FNBP1: variants seen among roughly 807,000 people sequenced by gnomAD.
FNBP1 encodes formin binding protein 1.
FNBP1 carries 26 observed loss-of-function variants against 90.6 expected under a neutral mutation model. The ratio of observed to expected loss-of-function variants is 0.29; its 90% CI spans 0.21 to 0.40. The LOEUF (loss-of-function observed/expected upper bound fraction) is 0.40. FNBP1 is among the 10% of genes least tolerant of loss of function. The pLI, the probability that FNBP1 is intolerant of heterozygous loss-of-function variation, is 1.00. For synonymous variants in FNBP1, 260 were observed against 265.2 expected, an observed-to-expected ratio of 0.98 and a Z score of 0.19; for missense variants, 635 against 768.0, an observed-to-expected ratio of 0.83 and a Z score of 2.05.
Position 129,979,381 on chromosome 9 carries a change from TA to T in FNBP1, c.141-8del. 1 of 1,590,318 alleles carries T rather than the reference TA, an allele frequency of 6.3e-7. No homozygotes were observed. On this transcript the variant is annotated splice_region_variant and splice_polypyrimidine_tract_variant and intron_variant, in intron 2 of 16. Coordinates refer to ENST00000446176, the MANE Select transcript of FNBP1 (RefSeq NM_015033.3). ...GTACTTCTTTGAAAGATTCCTGAAATAAAAATGCAGACATGTCAGCTTTATA... is the reference window on the plus strand; with the variant it reads ...GTACTTCTTTGAAAGATTCCTGAAATAAAATGCAGACATGTCAGCTTTATA...
At chr9:130,022,588 G>A (rs2057944180) in intron 1 of FNBP1, among the ~76,000 whole-genome samples, 2 of 152,188 alleles carry the variant, frequency 1.3e-5, no homozygotes, top group South Asian at 2.1e-4. Context: ...GAGTTACAAA[G>A]CTTTGGGTTC....
At chr9:130,046,092 TG>T (rs1009499640), upstream of FNBP1, among the ~76,000 whole-genome samples, 11 of 152,192 alleles carry the variant, frequency 7.2e-5, no homozygotes, top group Non-Finnish European at 1.6e-4. Flanking sequence ...ATATATATTT[TG>T]TCGTCAACCT....
At chr9:130,007,990 T>C (rs1200708571) in intron 1 of FNBP1, among the ~76,000 whole-genome samples, 6 of 116,078 alleles carry the variant, frequency 5.2e-5, no homozygotes, top group African/African-American at 2.0e-4. Flanking sequence ...AGAGTGAGAC[T>C]CTGTCTCAAA....
intron 10 of FNBP1, among the ~76,000 whole-genome samples, chr9:129,921,038 T>G (rs934539731): frequency 2.0e-5 from 3 of 152,236 alleles, no homozygotes; most frequent in Non-Finnish European, 2.9e-5. Flanking sequence ...GAAGCTGTAT[T>G]CTGCCTTCCA....
chr9:129,986,135 TA>T (rs747224157), intron 2 of FNBP1, among the ~76,000 whole-genome samples: 8 of 150,432 alleles, frequency 5.3e-5, no homozygotes, highest in Non-Finnish European at 1.0e-4. Flanking sequence ...GACTTTGTCT[TA>T]AAAAAAAATT....
intron 7 of FNBP1, among the ~76,000 whole-genome samples, chr9:129,928,974 C>T (rs2042320668): frequency 6.6e-6 from 1 of 152,048 alleles, no homozygotes; most frequent in Non-Finnish European, 1.5e-5. Flanking sequence ...GCCTGTAGTT[C>T]CATCTACTTA....
intron 1 of FNBP1, among the ~76,000 whole-genome samples, chr9:130,008,230 G>A (rs1057267836): frequency 6.6e-6 from 1 of 151,764 alleles, no homozygotes; most frequent in East Asian, 2.0e-4. Context: ...GCGCCTGTGG[G>A]TCCCACTACT....
chr9:129,932,827 C>T (rs4837432), intron 6 of FNBP1, among the ~76,000 whole-genome samples: 132,160 of 152,020 alleles, frequency 0.87, 57,515 homozygotes, highest in East Asian at 0.9. Flanking sequence ...CCCCTTCCAA[C>T]ACACAGTAGC....
intron 6 of FNBP1, among the ~76,000 whole-genome samples, chr9:129,935,638 C>T (rs988619257): frequency 6.6e-6 from 1 of 152,118 alleles, no homozygotes. Context: ...CAGGTGCCTA[C>T]CACCATGCCC....
chr9:130,023,678 C>T (rs962878559), intron 1 of FNBP1, among the ~76,000 whole-genome samples: 1 of 151,744 alleles, frequency 6.6e-6, no homozygotes, highest in African/African-American at 2.4e-5. Context: ...CCCACTCACT[C>T]CATGTTAGGT....
intron 6 of FNBP1, 26 bp from the exon 7 acceptor site, chr9:129,929,721 T>A (rs1267469049): frequency 1.2e-6 from 2 of 1,612,750 alleles, no homozygotes; most frequent in East Asian, 4.5e-5. Flanking sequence ...AGAATACTCC[T>A]ACGTTTATAC....
At chr9:130,036,841 C>T (rs569450769) in intron 1 of FNBP1, among the ~76,000 whole-genome samples, 41 of 151,578 alleles carry the variant, frequency 2.7e-4, no homozygotes, top group Non-Finnish European at 8.8e-5. Context: ...GTCAGGAGAT[C>T]GAGACCATCC....
rs548867269 is a variant in FNBP1 at position 130,033,721 on chromosome 9, G to T, written c.24+9231C>A. Among the ~76,000 whole-genome samples, 24 of 152,036 alleles carry T rather than the reference G, an allele frequency of 1.6e-4. No individual in the cohort carries two copies. In the East Asian group the frequency reaches 4.6e-3, roughly 29 times the overall value. On this transcript the variant is annotated intron_variant, in intron 1 of 16. Coordinates refer to ENST00000446176, the MANE Select transcript of FNBP1 (RefSeq NM_015033.3). ...AAGTTAGCCAGGCCGGGCTGGGCACGGTGGCTCACGCCTGTAATCACAGAA... is the reference window on the plus strand; with the variant it reads ...AAGTTAGCCAGGCCGGGCTGGGCACTGTGGCTCACGCCTGTAATCACAGAA...
chr9:130,048,223 G>A, the FNBP1 span, among the ~76,000 whole-genome samples: 1 of 146,246 alleles, frequency 6.8e-6, no homozygotes, highest in Non-Finnish European at 1.5e-5. Context: ...GGCTGAGGCA[G>A]GAGAATCGCT....
chr9:129,910,937 T>C (rs1744264581), intron 11 of FNBP1, among the ~76,000 whole-genome samples: 2 of 152,090 alleles, frequency 1.3e-5, no homozygotes, highest in South Asian at 2.1e-4. Context: ...CCAAAGAAGT[T>C]TGACTCTAAA....
chr9:129,894,140 T>C (rs1201695943), intron 16 of FNBP1, among the ~76,000 whole-genome samples: 4 of 151,734 alleles, frequency 2.6e-5, no homozygotes, highest in Non-Finnish European at 5.9e-5. Flanking sequence ...TACTTGAAAG[T>C]AGGAAGGACA....
chr9:130,022,833 C>T (rs2057976169), intron 1 of FNBP1, among the ~76,000 whole-genome samples: 1 of 152,076 alleles, frequency 6.6e-6, no homozygotes. Context: ...GTTAGCACGC[C>T]CAACTAATTT....
At chr9:129,982,210 T>A (rs4837438) in intron 2 of FNBP1, among the ~76,000 whole-genome samples, 3 of 152,190 alleles carry the variant, frequency 2.0e-5, no homozygotes, top group Non-Finnish European at 1.5e-5. Flanking sequence ...CGGTGGCTCA[T>A]GCCTGTAATC....
chr9:130,023,638 T>G (rs1466955525), intron 1 of FNBP1, among the ~76,000 whole-genome samples: 1 of 152,006 alleles, frequency 6.6e-6, no homozygotes, highest in African/African-American at 2.4e-5. Context: ...AGTTGGGAAG[T>G]CCTTGTTGGG....
Sources: gnomAD v4.1 joint callset for allele counts (sites outside exome capture counted in the v4.1 genomes callset) on GRCh38, gnomAD v4.1.1 for gene constraint, MANE v1.5 for transcripts, NCBI Gene and HGNC (gene_info 2026-07-23, HGNC 2026-07-21) for gene names.